The following RASSF8 variants were observed in gnomAD, a reference collection of about 807,000 sequenced individuals.
RASSF8 encodes the protein ras association domain-containing protein 8.
Under a neutral mutation model 48.5 loss-of-function variants are expected in RASSF8, and 22 were observed. The observed-to-expected ratio is 0.45, with a 90% CI of 0.32 to 0.65. RASSF8 has a LOEUF of 0.65. Among genes scored for constraint, RASSF8 ranks in the 30% least tolerant of loss-of-function variants. RASSF8 has a pLI of 0.03. For missense variants in RASSF8, 418 were observed against 489.2 expected, an observed-to-expected ratio of 0.85 and a Z score of 1.37; for synonymous variants, 127 against 171.5, an observed-to-expected ratio of 0.74 and a Z score of 2.03.
intron 2 of RASSF8, among the ~76,000 whole-genome samples, chr12:26,005,305 C>G (rs773045703): frequency 3.3e-5 from 5 of 151,988 alleles, no homozygotes; most frequent in African/African-American, 1.2e-4. Flanking sequence ...AGTTTGGTGA[C>G]CATTTATTAT....
intron 2 of RASSF8, among the ~76,000 whole-genome samples, chr12:26,034,488 A>G (rs766560995): frequency 6.6e-6 from 1 of 152,048 alleles, no homozygotes; most frequent in Admixed American, 6.6e-5. Flanking sequence ...TCTGGGCCGC[A>G]TGCAGCCCGC....
intron 1 of RASSF8, among the ~76,000 whole-genome samples, chr12:25,968,327 G>T (rs1303002670): frequency 6.7e-6 from 1 of 149,894 alleles, no homozygotes; most frequent in Non-Finnish European, 1.5e-5. Flanking sequence ...CTCTTTCTTT[G>T]TTCTTTATTT....
chr12:26,021,923 A>G (rs1182776241), intron 2 of RASSF8, among the ~76,000 whole-genome samples: 3 of 152,178 alleles, frequency 2.0e-5, no homozygotes, highest in Non-Finnish European at 1.5e-5. Flanking sequence ...TTTGGTGGTA[A>G]GCAAATAAGA....
rs139980341 is a variant in RASSF8, at chr12:25,969,087, T to C, written c.-203+9939T>C. Among the ~76,000 whole-genome samples, 460 of 152,286 alleles carry C rather than the reference T, an allele frequency of 3.0e-3. 3 individuals are homozygous for C. Among genetic ancestry groups the C allele is most frequent in the African/African-American group, 0.01 (435 of 41,560 alleles). ...GGTAAGGCTGGGGGGAGCAAAGGGC[T>C]GGAGATGAGGCAGAGGAGGTAGTGG... On this transcript the variant is annotated intron_variant, in intron 1 of 5. Coordinates refer to ENST00000689635, the MANE Select transcript of RASSF8 (RefSeq NM_001394098.1).
At position 25,995,623 on chromosome 12, in the gene RASSF8, T is replaced by A. The variant is rs1039595726; in HGVS notation, c.-109+493T>A. ...TCCTTTAGCTTGTGTTTCCATTTTT[T>A]AAATAATGTCTATTATTGGCTTCAT... On this transcript the variant is annotated intron_variant, in intron 2 of 5. Coordinates refer to ENST00000689635, the MANE Select transcript of RASSF8 (RefSeq NM_001394098.1). Among the ~76,000 whole-genome samples, 5 of 152,318 alleles carry A rather than the reference T, an allele frequency of 3.3e-5. No homozygotes were observed. The South Asian group carries it at 1.0e-3, about 32-fold the overall frequency.
chr12:25,986,305 A>G (rs556100011), intron 1 of RASSF8, among the ~76,000 whole-genome samples: 225 of 152,334 alleles, frequency 1.5e-3, no homozygotes, highest in African/African-American at 5.2e-3. Context: ...CACCAGGTGT[A>G]CTTATTCCCA....
At chr12:26,029,168 T>G (rs1015673059) in intron 2 of RASSF8, among the ~76,000 whole-genome samples, 3 of 152,238 alleles carry the variant, frequency 2.0e-5, no homozygotes, top group African/African-American at 7.2e-5. Context: ...GTGATTTTTC[T>G]CATGTCTATC....
intron 2 of RASSF8, among the ~76,000 whole-genome samples, chr12:26,028,135 G>T (rs902239442): frequency 1.3e-5 from 2 of 152,324 alleles, no homozygotes; most frequent in African/African-American, 2.4e-5. Context: ...ATAATTAAAA[G>T]AATTTGAGAC....
intron 3 of RASSF8, among the ~76,000 whole-genome samples, chr12:26,062,778 A>G (rs1389896641): frequency 6.6e-6 from 1 of 152,202 alleles, no homozygotes; most frequent in Non-Finnish European, 1.5e-5. Flanking sequence ...TTGTTATAGG[A>G]AAAATGTCTT....
intron 3 of RASSF8, among the ~76,000 whole-genome samples, chr12:26,060,452 A>G (rs1301238347): frequency 2.0e-5 from 3 of 152,194 alleles, no homozygotes; most frequent in Non-Finnish European, 4.4e-5. Flanking sequence ...AAATAACTAA[A>G]TGTCATCAGA....
chr12:26,001,312 G>A (rs1942252648), intron 2 of RASSF8, among the ~76,000 whole-genome samples: 1 of 151,052 alleles, frequency 6.6e-6, no homozygotes, highest in South Asian at 2.1e-4. Flanking sequence ...TGGGATTACA[G>A]GCCTATTTTT....
chr12:26,037,498 A>T (rs539191991), intron 2 of RASSF8, among the ~76,000 whole-genome samples: 6 of 152,292 alleles, frequency 3.9e-5, no homozygotes, highest in Non-Finnish European at 7.4e-5. Context: ...TACTACCAAG[A>T]TCCCATTTTA....
intron 1 of RASSF8, among the ~76,000 whole-genome samples, chr12:25,977,765 C>T (rs1186932975): frequency 6.6e-6 from 1 of 151,864 alleles, no homozygotes; most frequent in Non-Finnish European, 1.5e-5. Flanking sequence ...TTGAGAACAA[C>T]ACGGTTGTAA....
Position 26,000,728 on chromosome 12 carries a change from G to A in RASSF8, c.-109+5598G>A, listed in dbSNP as rs141402874. Reference sequence around the variant, plus strand: ...ACTGTACTGAATACGGTAGGCAATTGTAATACAGTGGTAGATATTTGTGTA... The same window carrying A: ...ACTGTACTGAATACGGTAGGCAATTATAATACAGTGGTAGATATTTGTGTA... On this transcript the variant is annotated intron_variant, in intron 2 of 5. Transcript: ENST00000689635. Among the ~76,000 whole-genome samples the A allele has an allele frequency of 2.5e-4, 38 of 152,224 alleles. 2 individuals carry two copies. The East Asian group carries it at 7.1e-3, about 29-fold the overall frequency.
In RASSF8 at chr12:26,016,646, TC is replaced by T. The variant is rs201386207; in HGVS notation, c.-109+21517del. The stretch of plus-strand genomic sequence containing the variant: ...CTATAAAATATAAAATTTCTAAAAA[TC>T]AACAGACTTCCTTCAGAGTTTAAGT... On this transcript the variant is annotated intron_variant, in intron 2 of 5. Coordinates refer to ENST00000689635, the MANE Select transcript of RASSF8 (RefSeq NM_001394098.1). Among the ~76,000 whole-genome samples, 739 of 152,338 alleles carry T rather than the reference TC, an allele frequency of 4.9e-3. 8 individuals are homozygous for T. Among genetic ancestry groups the T allele is most frequent in the African/African-American group, 0.017 (712 of 41,588 alleles).
intron 3 of RASSF8, among the ~76,000 whole-genome samples, chr12:26,058,061 T>C (rs1943649407): frequency 6.6e-6 from 1 of 152,122 alleles, no homozygotes; most frequent in Admixed American, 6.5e-5. Context: ...GACTACAGAG[T>C]ATACTTATTT....
chr12:26,031,871 A>G (rs1197678154), intron 2 of RASSF8, among the ~76,000 whole-genome samples: 2 of 152,336 alleles, frequency 1.3e-5, no homozygotes, highest in East Asian at 3.9e-4. Context: ...GAGATGCTTC[A>G]ATGGCTTAAT....
At chr12:25,996,885 A>C (rs1028557544) in intron 2 of RASSF8, among the ~76,000 whole-genome samples, 7 of 152,152 alleles carry the variant, frequency 4.6e-5, no homozygotes, top group Non-Finnish European at 7.4e-5. Flanking sequence ...ATCCAGTTCT[A>C]GTCATGTTAA....
chr12:26,041,172 G>A (rs1257392990), intron 2 of RASSF8, among the ~76,000 whole-genome samples: 2 of 152,056 alleles, frequency 1.3e-5, no homozygotes, highest in African/African-American at 4.8e-5. Flanking sequence ...GATTACAGGC[G>A]TGAGCCACCG....
Sources: allele counts gnomAD v4.1 joint callset (sites outside exome capture counted in the v4.1 genomes callset), GRCh38; gene constraint gnomAD v4.1.1; transcripts MANE v1.5; gene names NCBI Gene and HGNC (gene_info 2026-07-23, HGNC 2026-07-21).